The following CDK19 variants were observed in gnomAD, a reference collection of about 807,000 sequenced individuals.
CDK19 encodes the protein cyclin-dependent kinase 19.
CDK19 carries 20 observed loss-of-function variants against 68.3 expected under a neutral mutation model. The observed-to-expected ratio is 0.29, with a 90% CI of 0.21 to 0.43. CDK19 has a LOEUF of 0.43. Ranked by LOEUF, CDK19 falls within the 20% of genes least tolerant of loss-of-function variation. The pLI is 1.00. For synonymous variants in CDK19, 221 were observed against 222.8 expected (o/e 0.99, Z 0.07); for missense variants, 339 against 623.5 (o/e 0.54, Z 4.86).
rs901109346 is a variant in CDK19 at position 110,611,132 on chromosome 6, A to G, written c.*3403T>C. On this transcript the variant is annotated 3_prime_UTR_variant, in exon 13 of 13. Transcript: ENST00000368911. Reference sequence around the variant, plus strand: ...TCATCACAAGGATTGTTTCAGCCTCATAGTATCAGCCCTGCTGCCAAAGCT... The same window carrying G: ...TCATCACAAGGATTGTTTCAGCCTCGTAGTATCAGCCCTGCTGCCAAAGCT... The G allele has an allele frequency of 6.6e-6, 1 of 152,190 alleles. No individual in the cohort carries two copies. The highest frequency in any genetic ancestry group is 1.5e-5 in the Non-Finnish European group (1 of 68,048). 9.4% of individuals were successfully genotyped at this position (152,190 alleles called of 1,614,324 possible). A position where few individuals can be genotyped will look rare whatever the true frequency, so the allele number is the denominator to read the frequency against.
chr6:110,742,227 T>C (rs990565776), intron 2 of CDK19, among the ~76,000 whole-genome samples: 1 of 152,226 alleles, frequency 6.6e-6, no homozygotes, highest in African/African-American at 2.4e-5. Flanking sequence ...TTATTACACC[T>C]GTCTTTACTG....
intron 2 of CDK19, among the ~76,000 whole-genome samples, chr6:110,731,503 G>A (rs1272348310): frequency 6.6e-6 from 1 of 152,162 alleles, no homozygotes; most frequent in Non-Finnish European, 1.5e-5. Context: ...TGATGAAAAT[G>A]TTCTGGAATG....
At chr6:110,701,821 T>G (rs994501526) in intron 2 of CDK19, among the ~76,000 whole-genome samples, 4 of 152,030 alleles carry the variant, frequency 2.6e-5, no homozygotes, top group Non-Finnish European at 5.9e-5. Flanking sequence ...GAATATTATA[T>G]AGCCATTAAA....
At chr6:110,647,383 A>T (rs1387596633) in intron 4 of CDK19, among the ~76,000 whole-genome samples, 1 of 126,946 alleles carries the variant, frequency 7.9e-6, no homozygotes, top group Non-Finnish European at 1.7e-5. Context: ...AGGAGTTGTG[A>T]AGGGGGGTGG....
chr6:110,623,775 TACATATATACACATATATAC>T (rs1253136966), intron 8 of CDK19, among the ~76,000 whole-genome samples: 1 of 87,062 alleles, frequency 1.1e-5, no homozygotes, highest in African/African-American at 5.6e-5. Context: ...CACATATATA[TACATATATACACATATATAC>T]ACACACATAT....
At chr6:110,672,707 T>C (rs976204320) in intron 2 of CDK19, among the ~76,000 whole-genome samples, 1 of 152,236 alleles carries the variant, frequency 6.6e-6, no homozygotes, top group Non-Finnish European at 1.5e-5. Flanking sequence ...CACACTGTTC[T>C]GCACTTTGTT....
intron 4 of CDK19, among the ~76,000 whole-genome samples, chr6:110,652,290 G>T (rs1781022563): frequency 6.6e-6 from 1 of 152,112 alleles, no homozygotes; most frequent in South Asian, 2.1e-4. Flanking sequence ...AGCTGAGAAG[G>T]CTATTGGAAT....
rs1029947508 is a variant in CDK19, at chr6:110,711,504, C to G, written c.204+34622G>C. On this transcript the variant is annotated intron_variant, in intron 2 of 12. Transcript: ENST00000368911. ...AACAAATTTACGTATCAATTAAAAC[C>G]AGGAATGTCCTAGTGCTTTATTCAA... 2.6e-5 allele frequency among the ~76,000 whole-genome samples: 4 copies of G among 151,878 alleles called. No homozygotes were observed. The East Asian group carries it at 5.8e-4, about 22-fold the overall frequency.
At chr6:110,727,896 G>A (rs1776434933) in intron 2 of CDK19, among the ~76,000 whole-genome samples, 1 of 151,864 alleles carries the variant, frequency 6.6e-6, no homozygotes, top group Non-Finnish European at 1.5e-5. Context: ...GGAAACTGAA[G>A]AGGATCATTG....
intron 2 of CDK19, among the ~76,000 whole-genome samples, chr6:110,713,417 G>A (rs1038408683): frequency 2.3e-5 from 3 of 131,182 alleles, no homozygotes; most frequent in African/African-American, 8.7e-5. Context: ...GGGTGACAGA[G>A]AGAGACTCTG....
chr6:110,770,864 G>C (rs1279979569), intron 1 of CDK19, among the ~76,000 whole-genome samples: 1 of 152,106 alleles, frequency 6.6e-6, no homozygotes. Context: ...CGGGTTACAG[G>C]CCCATGCAAA....
At chr6:110,632,219 G>C in intron 5 of CDK19, 58 bp from the exon 6 acceptor site, 1 of 1,396,216 alleles carries the variant, frequency 7.2e-7, no homozygotes, top group Non-Finnish European at 9.8e-7. Flanking sequence ...CGTCCTTTTG[G>C]CTAAGATCAA....
At chr6:110,669,039 CA>C (rs1376363998) in intron 3 of CDK19, among the ~76,000 whole-genome samples, 2 of 152,048 alleles carry the variant, frequency 1.3e-5, no homozygotes, top group Non-Finnish European at 2.9e-5. Context: ...TTCCAATGTA[CA>C]ACATCATCTT....
At chr6:110,680,915 T>C (rs574491430) in intron 2 of CDK19, among the ~76,000 whole-genome samples, 2 of 152,064 alleles carry the variant, frequency 1.3e-5, no homozygotes, top group Non-Finnish European at 2.9e-5. Flanking sequence ...GAGAATCACT[T>C]GAACCTGGGA....
intron 2 of CDK19, among the ~76,000 whole-genome samples, chr6:110,700,182 A>G (rs1582893787): frequency 6.6e-6 from 1 of 152,222 alleles, no homozygotes; most frequent in East Asian, 1.9e-4. Context: ...CAGTACCCCC[A>G]GATAGAATCA....
chr6:110,644,515 T>C (rs1261158267), intron 4 of CDK19, among the ~76,000 whole-genome samples: 5 of 152,178 alleles, frequency 3.3e-5, no homozygotes, highest in Non-Finnish European at 2.9e-5. Context: ...TAAAAGAGTA[T>C]AATTGGATTG....
In CDK19 at chr6:110,685,851, G is replaced by C. The variant is rs1168051607; in HGVS notation, c.205-15310C>G. On this transcript the variant is annotated intron_variant, in intron 2 of 12. Transcript: ENST00000368911. ...AAGATTTTAACCAAAAATATGGCAGGTGACTAAGATCAAGTTAAGGACAAG... is the reference window on the plus strand; with the variant it reads ...AAGATTTTAACCAAAAATATGGCAGCTGACTAAGATCAAGTTAAGGACAAG... Among the ~76,000 whole-genome samples the C allele has an allele frequency of 3.9e-5, 6 of 152,148 alleles. No individual in the cohort carries two copies. In the East Asian group the frequency reaches 1.2e-3, roughly 29 times the overall value.
chr6:110,778,665 T>TAC (rs1283439182), intron 1 of CDK19, among the ~76,000 whole-genome samples: 1 of 152,200 alleles, frequency 6.6e-6, no homozygotes, highest in African/African-American at 2.4e-5. Context: ...CTGCCTAGCA[T>TAC]ACACCCATTC....
intron 4 of CDK19, among the ~76,000 whole-genome samples, chr6:110,648,559 GAGA>G (rs1440505519): frequency 3.3e-5 from 1 of 30,238 alleles, no homozygotes; most frequent in African/African-American, 1.3e-4. Context: ...TTTTTTTTTT[GAGA>G]AGGAGTCTCG....
Sources: gnomAD v4.1 joint callset for allele counts (sites outside exome capture counted in the v4.1 genomes callset) on GRCh38, gnomAD v4.1.1 for gene constraint, MANE v1.5 for transcripts, NCBI Gene and HGNC (gene_info 2026-07-23, HGNC 2026-07-21) for gene names.